Variants in WDR6 observed in about 807,000 individuals in gnomAD.
The protein encoded by WDR6 is WD repeat domain 6.
In WDR6, 58 loss-of-function variants were observed where a neutral mutation model predicts 85.6. The ratio of observed to expected loss-of-function variants is 0.68; its 90% CI spans 0.55 to 0.84. The LOEUF is 0.84. Among genes scored for constraint, WDR6 ranks in the 40% least tolerant of loss-of-function variants. The pLI is 0.00. For missense variants in WDR6, 1,310 were observed against 1,476.4 expected (o/e 0.89, Z 1.85); for synonymous variants, 569 against 582.2 (o/e 0.98, Z 0.33).
chr3:49,007,550 C>T lies in WDR6; in HGVS notation c.100+19C>T. On this transcript the variant is annotated intron_variant, in intron 1 of 5. Transcript: ENST00000608424. The surrounding 1 kb of genome is among the most constrained non-coding windows in gnomAD (Gnocchi z 5.1). ...TTGGCGGGTGAGGCTTGGCTTGAGG[C>T]ACGCCTGGTGGAAAGGGGGAAAGAA... 6.4e-7 allele frequency: 1 copy of T among 1,574,066 alleles called. No homozygotes were observed. Among genetic ancestry groups the T allele is most frequent in the Non-Finnish European group, 8.7e-7 (1 of 1,151,960 alleles).
Position 49,014,516 on chromosome 3 carries a change from G to C in WDR6, c.2783+17G>C. The C allele has an allele frequency of 6.2e-7, 1 of 1,613,950 alleles. No individual in the cohort carries two copies. Among genetic ancestry groups the C allele is most frequent in the Middle Eastern group, 1.6e-4 (1 of 6,062 alleles). On this transcript the variant is annotated intron_variant, in intron 4 of 5. Coordinates refer to ENST00000608424, the MANE Select transcript of WDR6 (RefSeq NM_018031.6). The surrounding 1 kb of genome is among the most constrained non-coding windows in gnomAD (Gnocchi z 4.9). ...CCAGAGGCGGTGAGAGGGGCTGGAT[G>C]ATGGTCCTGCATGGGCTGGGTTGGG...
rs778150529 is a variant in WDR6 at position 49,011,577 on chromosome 3, C to T, written c.101-58C>T. On this transcript the variant is annotated intron_variant, in intron 1 of 5. Transcript: ENST00000608424. ...AAGTTTCCCTGATCCCCATCTCTTCCCTGTGGGTCATCAGAGTTAGGTACC... is the reference window on the plus strand; with the variant it reads ...AAGTTTCCCTGATCCCCATCTCTTCTCTGTGGGTCATCAGAGTTAGGTACC... 2.5e-6 allele frequency: 4 copies of T among 1,611,578 alleles called. No individual in the cohort carries two copies. The East Asian group carries it at 8.9e-5, about 36-fold the overall frequency.
In WDR6 at chr3:49,007,676, G is replaced by C; in HGVS notation, c.100+145G>C. The C allele has an allele frequency of 7.5e-7, 1 of 1,340,790 alleles. No homozygotes were observed. The highest frequency in any genetic ancestry group is 9.6e-7 in the Non-Finnish European group (1 of 1,041,802). 83.1% of individuals were successfully genotyped at this position (1,340,790 alleles called of 1,614,324 possible). On this transcript the variant is annotated intron_variant, in intron 1 of 5. Coordinates refer to ENST00000608424, the MANE Select transcript of WDR6 (RefSeq NM_018031.6). The surrounding 1 kb of genome is among the most constrained non-coding windows in gnomAD (Gnocchi z 5.1). ...CGATCGGAGGTGGGAAGGGAGCCCC[G>C]GAGATGGCGGGGACGAGGGCCAACC... is the stretch of plus-strand genomic sequence containing the variant.
In WDR6 at chr3:49,015,159, C is replaced by T. The variant is rs774644746; in HGVS notation, c.3237C>T (p.Thr1079=). The T allele has an allele frequency of 1.9e-6, 3 of 1,613,820 alleles. No individual in the cohort carries two copies. Among genetic ancestry groups the T allele is most frequent in the East Asian group, 2.2e-5 (1 of 44,906 alleles). ...TFWRLGHGEP[T]FMNSTVFHVP... ...GGCGTCTGGGGCATGGTGAACCCAC[C>T]TTCATGAATAGCACTGTGTTCCATG... Residue 1079 remains threonine, a synonymous_variant, in exon 6 of 6, where the codon ACC becomes ACT. Transcript: ENST00000608424.
rs1168914705 is a variant in WDR6, at chr3:49,014,543, G to A, written c.2783+44G>A. ...TGGTCCTGCATGGGCTGGGTTGGGG[G>A]GTTCCTGTTGAGCTTCATCTCTGTT... On this transcript the variant is annotated intron_variant, in intron 4 of 5. Coordinates refer to ENST00000608424, the MANE Select transcript of WDR6 (RefSeq NM_018031.6). The surrounding 1 kb of genome is among the most constrained non-coding windows in gnomAD (Gnocchi z 4.9). The A allele has an allele frequency of 2.5e-6, 4 of 1,613,538 alleles. No individual in the cohort carries two copies. Among genetic ancestry groups the A allele is most frequent in the African/African-American group, 1.3e-5 (1 of 74,912 alleles).
chr3:49,011,449 A>G, intron 1 of WDR6, 186 bp from the exon 2 acceptor site: 4 of 1,566,620 alleles, frequency 2.6e-6, no homozygotes, highest in South Asian at 1.1e-5. Context: ...CAAAGTGCCC[A>G]GATTACAGGC....
In WDR6 at chr3:49,013,809, A is replaced by G. The variant is rs1263801045; in HGVS notation, c.2275A>G (p.Thr759Ala). ...DTTVCVLALP[T>A]TTGSAHALTA... ...TACTGTCTGTGTCCTAGCACTCCCT[A>G]CAACCACAGGCTCAGCCCACGCACT... Residue 759 changes from threonine (T) to alanine (A), a missense_variant, in exon 2 of 6, where the codon ACA (threonine) becomes GCA (alanine). By Grantham distance (58) the Thr-to-Ala change is moderately conservative. Coordinates refer to ENST00000608424, the MANE Select transcript of WDR6 (RefSeq NM_018031.6). This position sits in a 1 kb window ranked among gnomAD's most constrained non-coding sequence, Gnocchi z 4.6. 1.1e-5 allele frequency: 17 copies of G among 1,613,944 alleles called. No homozygotes were observed. Among genetic ancestry groups the G allele is most frequent in the Non-Finnish European group, 1.4e-5 (16 of 1,179,998 alleles).
rs1244116842 is a variant in WDR6 at position 49,014,332 on chromosome 3, A to G, written c.2666+39A>G. 1 of 1,614,140 alleles carries G rather than the reference A, an allele frequency of 6.2e-7. No homozygotes were observed. ...GCCCAGTGGGACAGGAGACAAAGGAAGTAAGGTTGTCTAGGATGCGTTCTG... is the reference window on the plus strand; with the variant it reads ...GCCCAGTGGGACAGGAGACAAAGGAGGTAAGGTTGTCTAGGATGCGTTCTG... On this transcript the variant is annotated intron_variant, in intron 3 of 5. Coordinates refer to ENST00000608424, the MANE Select transcript of WDR6 (RefSeq NM_018031.6). The surrounding 1 kb of genome is among the most constrained non-coding windows in gnomAD (Gnocchi z 4.9).
chr3:49,015,382 T>G lies in WDR6; in HGVS notation c.*94T>G. 1 of 1,489,138 alleles carries G rather than the reference T, an allele frequency of 6.7e-7. No homozygotes were observed. The highest frequency in any genetic ancestry group is 1.3e-5 in the South Asian group (1 of 79,980). 92.2% of individuals were successfully genotyped at this position (1,489,138 alleles called of 1,614,324 possible). The stretch of plus-strand genomic sequence containing the variant: ...TGTCTGTGCCCATGCTCAGCATGCC[T>G]TGAGGGGAGGAGGTGGTGGCCGTGG... On this transcript the variant is annotated 3_prime_UTR_variant, in exon 6 of 6. Coordinates refer to ENST00000608424, the MANE Select transcript of WDR6 (RefSeq NM_018031.6).
Position 49,011,235 on chromosome 3 carries a change from C to T in WDR6, c.101-400C>T, listed in dbSNP as rs548226005. The stretch of plus-strand genomic sequence containing the variant: ...GAGTAGCTGGGATTACAGGCACGTG[C>T]CACCACACCTGGCTAATTTTTTAGT... On this transcript the variant is annotated intron_variant, in intron 1 of 5. Transcript: ENST00000608424. The T allele has an allele frequency of 3.7e-4, 147 of 393,898 alleles. 1 individual carries two copies. Among genetic ancestry groups the T allele is most frequent in the South Asian group, 2.8e-3 (144 of 51,696 alleles). The allele number at this position is 393,898 out of a possible 1,614,324, so 24.4% of individuals were successfully genotyped here. A position where few individuals can be genotyped will look rare whatever the true frequency, so the allele number is the denominator to read the frequency against.
rs371470572 is a variant in WDR6, at chr3:49,010,133, G to A, written c.101-1502G>A. Among the ~76,000 whole-genome samples, 18 of 152,160 alleles carry A rather than the reference G, an allele frequency of 1.2e-4. No homozygotes were observed. In the East Asian group the frequency reaches 2.5e-3, roughly 21 times the overall value. ...TCAAGCGTGACTGATGAGGCTGGGC[G>A]CGGTGGCTCACGCCTGTATTCCCAG... On this transcript the variant is annotated intron_variant, in intron 1 of 5. Coordinates refer to ENST00000608424, the MANE Select transcript of WDR6 (RefSeq NM_018031.6).
At position 49,013,308 on chromosome 3, in the gene WDR6, T is replaced by G. The variant is rs2093028424; in HGVS notation, c.1774T>G (p.Tyr592Asp). ...VYTTGRDGAY[Y>D]QLFVRDGQLQ... Reference sequence around the variant, plus strand: ...TACCACAGGGCGTGATGGAGCCTACTACCAGCTGTTTGTACGAGACGGCCA... The same window carrying G: ...TACCACAGGGCGTGATGGAGCCTACGACCAGCTGTTTGTACGAGACGGCCA... Residue 592 changes from tyrosine (Y) to aspartate (D), a missense_variant, in exon 2 of 6, where the codon TAC (tyrosine) becomes GAC (aspartate). Coordinates refer to ENST00000608424, the MANE Select transcript of WDR6 (RefSeq NM_018031.6). This position sits in a 1 kb window ranked among gnomAD's most constrained non-coding sequence, Gnocchi z 4.6. 6.2e-7 allele frequency: 1 copy of G among 1,614,028 alleles called. No individual in the cohort carries two copies. Among genetic ancestry groups the G allele is most frequent in the Non-Finnish European group, 8.5e-7 (1 of 1,180,016 alleles).
chr3:49,012,854 C>T lies in WDR6; in HGVS notation c.1320C>T (p.Ser440=). 6.2e-7 allele frequency: 1 copy of T among 1,613,788 alleles called. No individual in the cohort carries two copies. Among genetic ancestry groups the T allele is most frequent in the Non-Finnish European group, 8.5e-7 (1 of 1,179,926 alleles). The part of the protein sequence containing the change: ...DQTLFPGKVH[S]LSWALRGYEE... ...CCCTGTTTCCTGGGAAGGTGCACAG[C>T]TTGAGCTGGGCCCTGCGTGGTTATG... Residue 440 remains serine (S), a synonymous_variant, in exon 2 of 6, where the codon AGC becomes AGT. Transcript: ENST00000608424. The surrounding 1 kb of genome is among the most constrained non-coding windows in gnomAD (Gnocchi z 4.4).
Position 49,012,634 on chromosome 3 carries a change from A to C in WDR6, c.1100A>C (p.Asp367Ala). The C allele has an allele frequency of 6.2e-7, 1 of 1,614,016 alleles. No individual in the cohort carries two copies. The change falls in exon 2 of 6, where the codon GAT becomes GCT. Residue 367 changes from aspartate (D) to alanine (A), a missense_variant. Coordinates refer to ENST00000608424, the MANE Select transcript of WDR6 (RefSeq NM_018031.6). The surrounding 1 kb of genome is among the most constrained non-coding windows in gnomAD (Gnocchi z 4.4). ...TCTTGGCGACTGCTGGCAGTGACTG[A>C]TACAGGGGCCCTGTATCTCTATGAC... ...AGSWRLLAVT[D>A]TGALYLYDVE...
Position 49,007,589 on chromosome 3 carries a change from G to A in WDR6, c.100+58G>A. 6.5e-7 allele frequency: 1 copy of A among 1,531,492 alleles called. No individual in the cohort carries two copies. The highest frequency in any genetic ancestry group is 1.2e-5 in the South Asian group (1 of 81,440). 94.9% of individuals were successfully genotyped at this position (1,531,492 alleles called of 1,614,324 possible). ...AGGGGGAAAGAAACAGCGCCTCCCA[G>A]GGGCGGTGCCACAGGGACAAAAGGG... On this transcript the variant is annotated intron_variant, in intron 1 of 5. Transcript: ENST00000608424. This position sits in a 1 kb window ranked among gnomAD's most constrained non-coding sequence, Gnocchi z 5.1.
At chr3:49,011,593 G>GT (rs2093015235) in intron 1 of WDR6, 42 bp from the exon 2 acceptor site, 3 of 1,612,008 alleles carry the variant, frequency 1.9e-6, no homozygotes, top group Non-Finnish European at 1.7e-6. Context: ...GGTCATCAGA[G>GT]TTAGGTACCT....
rs1559900259 is a variant in WDR6 at position 49,015,044 on chromosome 3, CCT to C, written c.3123_3124del (p.Ala1043ThrfsTer22). 2 of 1,614,196 alleles carry C rather than the reference CCT, an allele frequency of 1.2e-6. No homozygotes were observed. Among genetic ancestry groups the C allele is most frequent in the East Asian group, 4.5e-5 (2 of 44,882 alleles). On this transcript the variant is annotated frameshift_variant, in exon 6 of 6. Coordinates refer to ENST00000608424, the MANE Select transcript of WDR6 (RefSeq NM_018031.6). LOFTEE classifies it high-confidence loss of function. ...CGTGTGCTAGAGGAATACTCTGTCCCCTGTGCACATGCTGCCCATGTGACAGG... is the reference window on the plus strand; with the variant it reads ...CGTGTGCTAGAGGAATACTCTGTCCCGTGCACATGCTGCCCATGTGACAGG...
chr3:49,013,869 G>A lies in WDR6; in HGVS notation c.2335G>A (p.Ala779Thr), dbSNP rs770421979. The A allele has an allele frequency of 3.7e-6, 6 of 1,613,958 alleles. No individual in the cohort carries two copies. The Admixed American group carries it at 8.3e-5, about 22-fold the overall frequency. The change falls in exon 2 of 6, where the codon GCT becomes ACT. Residue 779 changes from alanine (A) to threonine (T), a missense_variant. Coordinates refer to ENST00000608424, the MANE Select transcript of WDR6 (RefSeq NM_018031.6). This position sits in a 1 kb window ranked among gnomAD's most constrained non-coding sequence, Gnocchi z 4.6. Reference sequence around the variant, plus strand: ...TTGTAACCATATCTCCTCGGTACGTGCTGTGGCTGTGTGGGGCATTGGCAC... The same window carrying A: ...TTGTAACCATATCTCCTCGGTACGTACTGTGGCTGTGTGGGGCATTGGCAC... The part of the protein sequence containing the change: ...AVCNHISSVR[A>T]VAVWGIGTPG...
At chr3:49,011,029 A>C in intron 1 of WDR6, 1 of 433,438 alleles carries the variant, frequency 2.3e-6, no homozygotes, top group Non-Finnish European at 4.5e-6. Flanking sequence ...AAAAAAAAGA[A>C]TGACTGATGA....
Sources: gnomAD v4.1 joint callset for allele counts (sites outside exome capture counted in the v4.1 genomes callset) on GRCh38, gnomAD v4.1.1 for gene constraint, Gnocchi (gnomAD v3.1) non-coding constraint, MANE v1.5 for transcripts, NCBI Gene and HGNC (gene_info 2026-07-23, HGNC 2026-07-21) for gene names.